STX1A: variants seen among roughly 807,000 people sequenced by gnomAD.
STX1A encodes the protein syntaxin 1A, also known as syntaxin-1A.
STX1A carries 4 observed loss-of-function variants against 37.8 expected under a neutral mutation model. The ratio of observed to expected loss-of-function variants is 0.11; its 90% CI spans 0.05 to 0.24. STX1A has a LOEUF of 0.24. STX1A is among the 10% of genes least tolerant of loss of function. The pLI is 1.00. For synonymous variants in STX1A, 135 were observed against 147.4 expected, an observed-to-expected ratio of 0.92 and a Z score of 0.61; for missense variants, 251 against 399.9, an observed-to-expected ratio of 0.63 and a Z score of 3.18.
At position 73,704,271 on chromosome 7, in the gene STX1A, T is replaced by C; in HGVS notation, c.358-15A>G. The stretch of plus-strand genomic sequence containing the variant: ...AGCGTGGAGTGCTGGGGGCCCGAGA[T>C]GGAGGTGCAGGGGTCAGGCCCTGCG... On this transcript the variant is annotated splice_polypyrimidine_tract_variant and intron_variant, in intron 5 of 9. Coordinates refer to ENST00000222812, the MANE Select transcript of STX1A (RefSeq NM_004603.4). 6.2e-7 allele frequency: 1 copy of C among 1,613,962 alleles called. No homozygotes were observed. The highest frequency in any genetic ancestry group is 8.5e-7 in the Non-Finnish European group (1 of 1,179,960).
In STX1A at chr7:73,699,982, G is replaced by T; in HGVS notation, c.*425C>A. 4.3e-6 allele frequency: 1 copy of T among 229,886 alleles called. No individual in the cohort carries two copies. Among genetic ancestry groups the T allele is most frequent in the South Asian group, 6.9e-5 (1 of 14,408 alleles). The allele number at this position is 229,886 out of a possible 1,614,324, so 14.2% of individuals were successfully genotyped here. On this transcript the variant is annotated 3_prime_UTR_variant, in exon 10 of 10. Coordinates refer to ENST00000222812, the MANE Select transcript of STX1A (RefSeq NM_004603.4). ...AAAAGCAGCACCATGTGGCCAGCTGGTCCCCACCCCTCAGGGCTCTGCTTG... is the reference window on the plus strand; with the variant it reads ...AAAAGCAGCACCATGTGGCCAGCTGTTCCCCACCCCTCAGGGCTCTGCTTG...
chr7:73,700,299 G>T lies in STX1A; in HGVS notation c.*108C>A. ...GGGAGCATGGGGGCCGGGAGGGAGGGTGCTCTGAGCCAGAGGCGGGGGTTG... is the reference window on the plus strand; with the variant it reads ...GGGAGCATGGGGGCCGGGAGGGAGGTTGCTCTGAGCCAGAGGCGGGGGTTG... On this transcript the variant is annotated 3_prime_UTR_variant, in exon 10 of 10. Transcript: ENST00000222812. The surrounding 1 kb of genome is among the most constrained non-coding windows in gnomAD (Gnocchi z 4.4). 1 of 1,048,164 alleles carries T rather than the reference G, an allele frequency of 9.5e-7. No homozygotes were observed. The highest frequency in any genetic ancestry group is 1.5e-6 in the Non-Finnish European group (1 of 686,176). The allele number at this position is 1,048,164 out of a possible 1,614,324, so 64.9% of individuals were successfully genotyped here.
Position 73,717,609 on chromosome 7 carries a change from C to T in STX1A, c.30+1993G>A, listed in dbSNP as rs1345411941. Among the ~76,000 whole-genome samples the T allele has an allele frequency of 6.6e-6, 1 of 152,094 alleles. No individual in the cohort carries two copies. The highest frequency in any genetic ancestry group is 2.4e-5 in the African/African-American group (1 of 41,388). On this transcript the variant is annotated intron_variant, in intron 1 of 9. Transcript: ENST00000222812. The surrounding 1 kb of genome is among the most constrained non-coding windows in gnomAD (Gnocchi z 4.1). ...TGCCTGCCAGCCGTCCACCTGTCTG[C>T]TAGAAAGCCCTCCCTGGGCAGGGCC...
rs1420757480 is a variant in STX1A, at chr7:73,709,941, AG to A, written c.31-820del. ...AGACGGGGGTCTCACTGTGTTACCC[AG>A]GCTGGTCTTGAACTCCTGGCCTCAA... On this transcript the variant is annotated intron_variant, in intron 1 of 9. Coordinates refer to ENST00000222812, the MANE Select transcript of STX1A (RefSeq NM_004603.4). This position sits in a 1 kb window ranked among gnomAD's most constrained non-coding sequence, Gnocchi z 4.2. 6.6e-6 allele frequency among the ~76,000 whole-genome samples: 1 copy of A among 152,136 alleles called. No individual in the cohort carries two copies. Among genetic ancestry groups the A allele is most frequent in the Non-Finnish European group, 1.5e-5 (1 of 68,016 alleles).
intron 7 of STX1A, 82 bp downstream of exon 7, chr7:73,703,673 T>C: frequency 6.7e-7 from 1 of 1,490,072 alleles, no homozygotes; most frequent in Non-Finnish European, 9.3e-7. Flanking sequence ...GTCCAAATAC[T>C]GTCCAGACCC....
At position 73,705,199 on chromosome 7, in the gene STX1A, G is replaced by C. The variant is rs782346128; in HGVS notation, c.234C>G (p.Leu78=). The stretch of plus-strand genomic sequence containing the variant: ...TTGCTGTCTTCTTTATGTCGGACAT[G>C]AGTTCTTCCAGCTCCTCCTTCGTCT... ...DEKTKEELEE[L]MSDIKKTANK... The change falls in exon 4 of 10, where the codon CTC becomes CTG. Residue 78 remains leucine (L), a synonymous_variant. Transcript: ENST00000222812. This position sits in a 1 kb window ranked among gnomAD's most constrained non-coding sequence, Gnocchi z 5.2. 6.2e-7 allele frequency: 1 copy of C among 1,613,916 alleles called. No individual in the cohort carries two copies. The highest frequency in any genetic ancestry group is 1.1e-5 in the South Asian group (1 of 91,078).
intron 4 of STX1A, 62 bp from the exon 5 acceptor site, chr7:73,704,485 A>C (rs781932359): frequency 3.0e-4 from 478 of 1,596,678 alleles, no homozygotes; most frequent in Non-Finnish European, 3.8e-4. Context: ...CCCTACCCGC[A>C]CACCCAGCAT....
rs1215632658 is a variant in STX1A, at chr7:73,706,267, T to C, written c.209-1043A>G. On this transcript the variant is annotated intron_variant, in intron 3 of 9. Coordinates refer to ENST00000222812, the MANE Select transcript of STX1A (RefSeq NM_004603.4). This position sits in a 1 kb window ranked among gnomAD's most constrained non-coding sequence, Gnocchi z 4.6. The stretch of plus-strand genomic sequence containing the variant: ...GTGAGGTGGAGCGGGGAAGGGGGGG[T>C]TCCGAGGCGCGGAGGAGGGCGCCTC... Among the ~76,000 whole-genome samples the C allele has an allele frequency of 6.6e-6, 1 of 151,768 alleles. No individual in the cohort carries two copies. Among genetic ancestry groups the C allele is most frequent in the Non-Finnish European group, 1.5e-5 (1 of 67,916 alleles).
In STX1A at chr7:73,712,028, C is replaced by T. The variant is rs1042814510; in HGVS notation, c.31-2906G>A. Among the ~76,000 whole-genome samples, 12 of 152,196 alleles carry T rather than the reference C, an allele frequency of 7.9e-5. 1 individual carries two copies. In the South Asian group the frequency reaches 2.5e-3, roughly 32 times the overall value. ...AGAGATGCCCGCATCCTCCTCTGGA[C>T]CCTCCGTCTATGAGGGTAGGGCTGG... On this transcript the variant is annotated intron_variant, in intron 1 of 9. Coordinates refer to ENST00000222812, the MANE Select transcript of STX1A (RefSeq NM_004603.4).
chr7:73,706,728 C>T lies in STX1A; in HGVS notation c.209-1504G>A, dbSNP rs1798887624. On this transcript the variant is annotated intron_variant, in intron 3 of 9. Coordinates refer to ENST00000222812, the MANE Select transcript of STX1A (RefSeq NM_004603.4). The surrounding 1 kb of genome is among the most constrained non-coding windows in gnomAD (Gnocchi z 4.6). ...TCCCCTGCTCTTTAGAGCCCTCCGT[C>T]CCCACCCCACAATCAGCCACCTCCT... 6.6e-6 allele frequency among the ~76,000 whole-genome samples: 1 copy of T among 152,110 alleles called. No homozygotes were observed. The highest frequency in any genetic ancestry group is 2.4e-5 in the African/African-American group (1 of 41,430).
intron 4 of STX1A, chr7:73,704,749 G>C: frequency 3.9e-6 from 2 of 513,820 alleles, no homozygotes; most frequent in Non-Finnish European, 7.1e-6. Flanking sequence ...TGCCCACAGC[G>C]GGGAGAGCCA....
At position 73,700,679 on chromosome 7, in the gene STX1A, G is replaced by A. The variant is rs782603346; in HGVS notation, c.789+51C>T. 1.9e-6 allele frequency: 3 copies of A among 1,606,322 alleles called. No homozygotes were observed. The highest frequency in any genetic ancestry group is 1.1e-5 in the South Asian group (1 of 90,820). On this transcript the variant is annotated intron_variant, in intron 9 of 9. Transcript: ENST00000222812. The surrounding 1 kb of genome is among the most constrained non-coding windows in gnomAD (Gnocchi z 4.4). ...TGGGGAGGGATGTGGGATGGTTGGG[G>A]GTCCCTAATGGGTGCTGGGGCATGG...
chr7:73,700,940 A>C lies in STX1A; in HGVS notation c.679-100T>G. 6.4e-7 allele frequency: 1 copy of C among 1,561,978 alleles called. No individual in the cohort carries two copies. The highest frequency in any genetic ancestry group is 8.6e-7 in the Non-Finnish European group (1 of 1,159,098). ...AGGAAAGCACCCTGAGGCTAGAGACAAAAAGGGGGCGTGAGGAGGTTAGGG... is the reference window on the plus strand; with the variant it reads ...AGGAAAGCACCCTGAGGCTAGAGACCAAAAGGGGGCGTGAGGAGGTTAGGG... On this transcript the variant is annotated intron_variant, in intron 8 of 9. Coordinates refer to ENST00000222812, the MANE Select transcript of STX1A (RefSeq NM_004603.4). This position sits in a 1 kb window ranked among gnomAD's most constrained non-coding sequence, Gnocchi z 4.4.
intron 1 of STX1A, among the ~76,000 whole-genome samples, chr7:73,718,894 C>T (rs192779126): frequency 6.6e-6 from 1 of 152,016 alleles, no homozygotes; most frequent in Admixed American, 6.5e-5. Context: ...CCTGAAGGGT[C>T]TGGAAACGCC....
rs1240590953 is a variant in STX1A, at chr7:73,702,756, G to A, written c.678+89C>T. The A allele has an allele frequency of 6.3e-7, 1 of 1,599,164 alleles. No individual in the cohort carries two copies. The highest frequency in any genetic ancestry group is 1.3e-5 in the African/African-American group (1 of 74,680). On this transcript the variant is annotated intron_variant, in intron 8 of 9. Coordinates refer to ENST00000222812, the MANE Select transcript of STX1A (RefSeq NM_004603.4). This position sits in a 1 kb window ranked among gnomAD's most constrained non-coding sequence, Gnocchi z 4.7. Reference sequence around the variant, plus strand: ...TGAGAACTTGGTCCCTCCCCGGCAGGGCAGCGTGTCGGGCAGAAAGGGCGA... The same window carrying A: ...TGAGAACTTGGTCCCTCCCCGGCAGAGCAGCGTGTCGGGCAGAAAGGGCGA...
chr7:73,709,241 G>T lies in STX1A; in HGVS notation c.31-119C>A. ...TCCCCCTCTCCCTGGGGGCCTCTGG[G>T]CAGGGACAAGAACAGGCCTGGCTGT... On this transcript the variant is annotated intron_variant, in intron 1 of 9. Coordinates refer to ENST00000222812, the MANE Select transcript of STX1A (RefSeq NM_004603.4). The surrounding 1 kb of genome is among the most constrained non-coding windows in gnomAD (Gnocchi z 4.2). 2.0e-6 allele frequency: 2 copies of T among 993,556 alleles called. No homozygotes were observed. The highest frequency in any genetic ancestry group is 3.1e-6 in the Non-Finnish European group (2 of 655,266). The allele number at this position is 993,556 out of a possible 1,614,324, so 61.5% of individuals were successfully genotyped here. A position where few individuals can be genotyped will look rare whatever the true frequency, so the allele number is the denominator to read the frequency against.
intron 1 of STX1A, among the ~76,000 whole-genome samples, chr7:73,710,982 TGATG>T (rs1799081413): frequency 6.6e-6 from 1 of 151,966 alleles, no homozygotes; most frequent in Admixed American, 6.6e-5. Flanking sequence ...TTTGTTTGAT[TGATG>T]GATGGACTGA....
At position 73,700,084 on chromosome 7, in the gene STX1A, C is replaced by T; in HGVS notation, c.*323G>A. The T allele has an allele frequency of 2.3e-6, 1 of 441,608 alleles. No individual in the cohort carries two copies. Among genetic ancestry groups the T allele is most frequent in the Non-Finnish European group, 4.2e-6 (1 of 239,598 alleles). The allele number at this position is 441,608 out of a possible 1,614,324, so 27.4% of individuals were successfully genotyped here. ...CCCCAGGGAAGAGCAGAACCTGGGCCCACCGAGTTACTGAAGGCAAGGAAG... is the reference window on the plus strand; with the variant it reads ...CCCCAGGGAAGAGCAGAACCTGGGCTCACCGAGTTACTGAAGGCAAGGAAG... On this transcript the variant is annotated 3_prime_UTR_variant, in exon 10 of 10. Coordinates refer to ENST00000222812, the MANE Select transcript of STX1A (RefSeq NM_004603.4). The surrounding 1 kb of genome is among the most constrained non-coding windows in gnomAD (Gnocchi z 4.4).
At chr7:73,707,187 C>G (rs1236098604) in intron 3 of STX1A, among the ~76,000 whole-genome samples, 4 of 152,166 alleles carry the variant, frequency 2.6e-5, no homozygotes, top group African/African-American at 7.2e-5. Flanking sequence ...CATGGTGAGC[C>G]CCCCTCCAGG....
Sources: gnomAD v4.1 joint callset for allele counts (sites outside exome capture counted in the v4.1 genomes callset) on GRCh38, gnomAD v4.1.1 for gene constraint, Gnocchi (gnomAD v3.1) non-coding constraint, MANE v1.5 for transcripts, NCBI Gene and HGNC (gene_info 2026-07-23, HGNC 2026-07-21) for gene names.